The following DPYD variants were observed in gnomAD, a reference collection of about 807,000 sequenced individuals.
DPYD encodes the protein dihydropyrimidine dehydrogenase, also known as dihydropyrimidine dehydrogenase [NADP(+)].
A neutral mutation model predicts 116.2 loss-of-function variants in DPYD; 109 were observed. The observed-to-expected ratio is 0.94, with a 90% confidence interval of 0.80 to 1.10. DPYD has a LOEUF of 1.10. Ranked by LOEUF, DPYD falls within the 50% of genes least tolerant of loss-of-function variation. The pLI, the probability that DPYD is intolerant of heterozygous loss-of-function variation, is 0.00. For synonymous variants in DPYD, 440 were observed against 432.0 expected, an observed-to-expected ratio of 1.02 and a Z score of -0.23; for missense variants, 1,302 against 1,254.5, an observed-to-expected ratio of 1.04 and a Z score of -0.57.
intron 14 of DPYD, among the ~76,000 whole-genome samples, chr1:97,389,946 CT>C (rs1238525576): frequency 6.0e-4 from 91 of 150,844 alleles, no homozygotes; most frequent in Admixed American, 4.6e-4. Flanking sequence ...TAATGGTCAA[CT>C]TTTTTTGTTT....
At chr1:97,165,695 G>A (rs773192769) in intron 20 of DPYD, among the ~76,000 whole-genome samples, 4 of 152,118 alleles carry the variant, frequency 2.6e-5, no homozygotes, top group Non-Finnish European at 4.4e-5. Context: ...CTAATATCCT[G>A]AATCAATAAG....
At chr1:97,248,884 T>TA (rs1662897466) in intron 18 of DPYD, among the ~76,000 whole-genome samples, 1 of 152,236 alleles carries the variant, frequency 6.6e-6, no homozygotes, top group East Asian at 1.9e-4. Context: ...AGGAGTACAT[T>TA]TAGAAAAGAT....
At chr1:97,798,139 T>C (rs1406338771) in intron 3 of DPYD, 1 of 152,072 alleles carries the variant, frequency 6.6e-6, no homozygotes, top group Non-Finnish European at 1.5e-5. Flanking sequence ...TGAAAAAATA[T>C]CCTCAAAATT....
intron 20 of DPYD, among the ~76,000 whole-genome samples, chr1:97,139,461 T>TA (rs756809643): frequency 6.0e-4 from 92 of 152,278 alleles, no homozygotes; most frequent in East Asian, 1.2e-3. Context: ...TAAGTTTAGA[T>TA]ATGCAAAAGA....
chr1:97,616,761 AT>A (rs1333551452), intron 8 of DPYD, among the ~76,000 whole-genome samples: 2 of 152,216 alleles, frequency 1.3e-5, no homozygotes, highest in Non-Finnish European at 2.9e-5. Flanking sequence ...AGCAATTATA[AT>A]TTTTAATTTC....
chr1:97,350,266 ACCAT>A (rs976216770), intron 16 of DPYD, among the ~76,000 whole-genome samples: 72 of 152,154 alleles, frequency 4.7e-4, no homozygotes, highest in African/African-American at 1.6e-3. Context: ...AAATACTCAA[ACCAT>A]AGGCTTTTGT....
At chr1:97,764,355 C>T (rs959116090) in intron 3 of DPYD, among the ~76,000 whole-genome samples, 2 of 151,962 alleles carry the variant, frequency 1.3e-5, no homozygotes, top group Non-Finnish European at 2.9e-5. Context: ...TTAATATTTT[C>T]CCATTCCCTA....
chr1:97,314,479 G>T (rs1041794742), intron 16 of DPYD, among the ~76,000 whole-genome samples: 2 of 142,010 alleles, frequency 1.4e-5, no homozygotes, highest in Admixed American at 7.5e-5. Context: ...CCACTTAGTC[G>T]CTAAAGCTTT....
intron 16 of DPYD, among the ~76,000 whole-genome samples, chr1:97,318,801 C>T (rs1406503691): frequency 6.7e-6 from 1 of 149,714 alleles, no homozygotes; most frequent in Non-Finnish European, 1.5e-5. Flanking sequence ...CCACACCACA[C>T]CTATTCCAAA....
intron 19 of DPYD, among the ~76,000 whole-genome samples, chr1:97,201,909 T>C (rs1659233020): frequency 9.1e-6 from 1 of 110,250 alleles, no homozygotes; most frequent in Non-Finnish European, 2.1e-5. Flanking sequence ...TCAAGCAGCT[T>C]TTTTTTTTTT....
chr1:97,817,609 A>G (rs1423477217), intron 3 of DPYD, among the ~76,000 whole-genome samples: 2 of 152,118 alleles, frequency 1.3e-5, no homozygotes, highest in Non-Finnish European at 2.9e-5. Flanking sequence ...TATAAACAAT[A>G]TTATCTGTAA....
chr1:97,811,780 A>G (rs1188890965), intron 3 of DPYD, among the ~76,000 whole-genome samples: 3 of 152,172 alleles, frequency 2.0e-5, no homozygotes, highest in Non-Finnish European at 2.9e-5. Context: ...CAAAGTGTAT[A>G]TGATAGTGCA....
At chr1:97,214,699 T>C (rs1384565919) in intron 19 of DPYD, among the ~76,000 whole-genome samples, 1 of 152,192 alleles carries the variant, frequency 6.6e-6, no homozygotes, top group African/African-American at 2.4e-5. Flanking sequence ...TCTCCATTTT[T>C]TCCTGTGATG....
intron 8 of DPYD, among the ~76,000 whole-genome samples, chr1:97,596,714 G>A (rs2102264494): frequency 6.6e-6 from 1 of 152,276 alleles, no homozygotes; most frequent in East Asian, 1.9e-4. Context: ...TGCCATATCT[G>A]ATCTGAAAGC....
chr1:97,134,757 G>C (rs901411969), intron 20 of DPYD, among the ~76,000 whole-genome samples: 24 of 152,138 alleles, frequency 1.6e-4, no homozygotes, highest in African/African-American at 5.5e-4. Flanking sequence ...GTTCAGCGCA[G>C]CTCTGCAGGG....
At chr1:97,601,857 A>C (rs565144683) in intron 8 of DPYD, among the ~76,000 whole-genome samples, 3 of 152,020 alleles carry the variant, frequency 2.0e-5, no homozygotes, top group Non-Finnish European at 4.4e-5. Flanking sequence ...TCAATATAAC[A>C]CATATGAAAT....
At chr1:97,715,309 T>C (rs1662551432) in intron 5 of DPYD, among the ~76,000 whole-genome samples, 1 of 152,142 alleles carries the variant, frequency 6.6e-6, no homozygotes, top group Admixed American at 6.6e-5. Context: ...TAAGGTCTAA[T>C]CACCTCCAAA....
chr1:97,632,828 G>GT (rs1013436942), intron 8 of DPYD, among the ~76,000 whole-genome samples: 1 of 152,058 alleles, frequency 6.6e-6, no homozygotes, highest in Non-Finnish European at 1.5e-5. Flanking sequence ...TAAAAGATGG[G>GT]TTTTTTAAAA....
intron 3 of DPYD, 125 bp downstream of exon 3, chr1:97,827,989 T>C: frequency 1.1e-6 from 1 of 946,622 alleles, no homozygotes; most frequent in Non-Finnish European, 1.7e-6. Flanking sequence ...GTCTCTCCAC[T>C]GACAAATTAA....
Sources: gnomAD v4.1 joint callset for allele counts (sites outside exome capture counted in the v4.1 genomes callset) on GRCh38, gnomAD v4.1.1 for gene constraint, MANE v1.5 for transcripts, NCBI Gene and HGNC (gene_info 2026-07-23, HGNC 2026-07-21) for gene names.